Variants in SEMA3C observed in about 807,000 individuals in gnomAD.
SEMA3C encodes the protein semaphorin 3C.
A neutral mutation model predicts 89.4 loss-of-function variants in SEMA3C; 47 were observed. That is an observed-to-expected ratio of 0.53 (90% CI 0.42 to 0.67). The LOEUF is 0.67. Among genes scored for constraint, SEMA3C ranks in the 30% least tolerant of loss-of-function variants. The probability of loss-of-function intolerance (pLI) is 0.00; values close to 1 mark genes in which losing one functional copy is unlikely to be tolerated. For synonymous variants in SEMA3C, 310 were observed against 320.2 expected (o/e 0.97, Z 0.34); for missense variants, 839 against 929.1 (o/e 0.90, Z 1.26).
At chr7:80,873,529 G>A (rs1309053283) in intron 2 of SEMA3C, among the ~76,000 whole-genome samples, 1 of 152,148 alleles carries the variant, frequency 6.6e-6, no homozygotes, top group East Asian at 1.9e-4. Context: ...CCATTTCTAT[G>A]TGGGGCAAGG....
chr7:80,747,416 G>T (rs546855793), intron 17 of SEMA3C, among the ~76,000 whole-genome samples: 1 of 152,072 alleles, frequency 6.6e-6, no homozygotes, highest in East Asian at 1.9e-4. Flanking sequence ...CTGAATAAAA[G>T]AAAATTACAT....
rs540883049 is a variant in SEMA3C, at chr7:80,768,252, G to A, written c.1355-3009C>T. 7.2e-5 allele frequency among the ~76,000 whole-genome samples: 11 copies of A among 152,302 alleles called. No individual in the cohort carries two copies. In the Middle Eastern group the frequency reaches 0.01, roughly 141 times the overall value. On this transcript the variant is annotated intron_variant, in intron 12 of 17. Transcript: ENST00000265361. The stretch of plus-strand genomic sequence containing the variant: ...CTGATAGCCGGGCGTGGTGGCTCAC[G>A]CCTGTAATCCCAGCACTTTGGGAGG...
At chr7:80,874,465 T>TATTTATTTATTTA (rs911000056) in intron 2 of SEMA3C, among the ~76,000 whole-genome samples, 2 of 151,354 alleles carry the variant, frequency 1.3e-5, no homozygotes, top group African/African-American at 4.8e-5. Flanking sequence ...TTTATTTATT[T>TATTTATTTATTTA]ATTTATTTAT....
chr7:80,877,929 G>A (rs1300295928), intron 2 of SEMA3C, among the ~76,000 whole-genome samples: 1 of 152,120 alleles, frequency 6.6e-6, no homozygotes, highest in African/African-American at 2.4e-5. Context: ...CACTCAAGGT[G>A]AGCTTATTTA....
At chr7:80,821,971 A>C (rs941327647) in intron 4 of SEMA3C, among the ~76,000 whole-genome samples, 31 of 152,188 alleles carry the variant, frequency 2.0e-4, no homozygotes, top group Non-Finnish European at 2.4e-4. Flanking sequence ...AGACCACAAA[A>C]GGAAAAACAA....
intron 11 of SEMA3C, among the ~76,000 whole-genome samples, chr7:80,791,100 CA>C (rs1156513209): frequency 6.6e-6 from 1 of 151,908 alleles, no homozygotes. Context: ...TCCAAGGGGG[CA>C]GGCAGAAAAC....
chr7:80,796,733 T>C (rs1049297075), intron 11 of SEMA3C: 3 of 152,214 alleles, frequency 2.0e-5, no homozygotes, highest in African/African-American at 7.2e-5. Flanking sequence ...TTTTTATGAA[T>C]AAGAAGCAAT....
At chr7:80,883,288 CGTCACACATGG>C (rs1230604578) in intron 2 of SEMA3C, among the ~76,000 whole-genome samples, 1 of 152,092 alleles carries the variant, frequency 6.6e-6, no homozygotes, top group African/African-American at 2.4e-5. Flanking sequence ...AAGCAGGTTA[CGTCACACATGG>C]AATTTAGATT....
intron 2 of SEMA3C, among the ~76,000 whole-genome samples, chr7:80,858,636 A>G (rs1469761422): frequency 6.6e-6 from 1 of 152,218 alleles, no homozygotes; most frequent in Admixed American, 6.5e-5. Flanking sequence ...ACACATGCTC[A>G]AATGAGAGTG....
At chr7:80,890,320 T>C (rs73374868) in intron 2 of SEMA3C, among the ~76,000 whole-genome samples, 1 of 152,130 alleles carries the variant, frequency 6.6e-6, no homozygotes, top group East Asian at 1.9e-4. Context: ...CATTCCCAAA[T>C]ATTTCTCCCT....
chr7:80,830,208 T>A (rs866972441), intron 2 of SEMA3C, among the ~76,000 whole-genome samples: 6 of 152,318 alleles, frequency 3.9e-5, no homozygotes, highest in South Asian at 4.1e-4. Context: ...GAAACCAGGT[T>A]CTGTTGCCAA....
intron 4 of SEMA3C, among the ~76,000 whole-genome samples, chr7:80,819,979 A>C (rs2115769639): frequency 6.6e-6 from 1 of 151,200 alleles, no homozygotes; most frequent in African/African-American, 2.4e-5. Flanking sequence ...AGACATCAAA[A>C]GTTAACAGTA....
intron 13 of SEMA3C, among the ~76,000 whole-genome samples, chr7:80,762,500 T>C (rs189112183): frequency 1.4e-3 from 218 of 152,344 alleles, no homozygotes; most frequent in Non-Finnish European, 2.1e-3. Context: ...TTCTTAAAAA[T>C]TATTAGTTAC....
intron 2 of SEMA3C, among the ~76,000 whole-genome samples, chr7:80,901,106 T>G (rs1034028985): frequency 6.6e-6 from 1 of 152,204 alleles, no homozygotes; most frequent in African/African-American, 2.4e-5. Context: ...CTGCATCTAA[T>G]TTTGGTGGAT....
At chr7:80,846,279 T>A (rs949072363) in intron 2 of SEMA3C, among the ~76,000 whole-genome samples, 1 of 152,204 alleles carries the variant, frequency 6.6e-6, no homozygotes. Context: ...TTGGAAAACA[T>A]CATGCTATGT....
intron 4 of SEMA3C, among the ~76,000 whole-genome samples, chr7:80,822,383 AAAAAT>A (rs1216264031): frequency 6.9e-6 from 1 of 145,478 alleles, no homozygotes; most frequent in African/African-American, 2.5e-5. Flanking sequence ...TTCAGCAAAA[AAAAAT>A]AAATAAATAA....
chr7:80,793,871 G>A (rs747157243), intron 11 of SEMA3C, among the ~76,000 whole-genome samples: 2 of 119,336 alleles, frequency 1.7e-5, no homozygotes, highest in African/African-American at 2.8e-5. Context: ...AACCTAACAC[G>A]TGGGGGATGA....
chr7:80,827,122 T>G (rs1789889550), intron 4 of SEMA3C, among the ~76,000 whole-genome samples: 1 of 152,268 alleles, frequency 6.6e-6, no homozygotes, highest in Non-Finnish European at 1.5e-5. Context: ...TTCAGGAGCC[T>G]GCTGAGAATT....
intron 2 of SEMA3C, among the ~76,000 whole-genome samples, chr7:80,881,473 C>CT (rs1375311967): frequency 6.6e-6 from 1 of 152,088 alleles, no homozygotes; most frequent in Admixed American, 6.6e-5. Context: ...TGAGTGCACT[C>CT]TGAGTTTTAT....
Sources: allele counts gnomAD v4.1 joint callset (sites outside exome capture counted in the v4.1 genomes callset), GRCh38; gene constraint gnomAD v4.1.1; transcripts MANE v1.5; gene names NCBI Gene and HGNC (gene_info 2026-07-23, HGNC 2026-07-21).